Variants in AMN1 observed in about 807,000 individuals in gnomAD.
AMN1 encodes the protein protein AMN1 homolog.
AMN1 carries 20 observed loss-of-function variants against 33.0 expected under a neutral mutation model. That is an observed-to-expected ratio of 0.61 (90% CI 0.43 to 0.88). AMN1 has a LOEUF of 0.88. AMN1 is among the 40% of genes least tolerant of loss of function. AMN1 has a pLI of 0.00. For synonymous variants in AMN1, 114 were observed against 111.9 expected (o/e 1.02, Z -0.12); for missense variants, 246 against 307.4 (o/e 0.80, Z 1.49).
At chr12:31,728,256 A>G (rs1200566354) in intron 1 of AMN1, among the ~76,000 whole-genome samples, 4 of 152,200 alleles carry the variant, frequency 2.6e-5, no homozygotes, top group Admixed American at 2.6e-4. Context: ...GAGAGACGCA[A>G]TTGCCCTTGT....
At chr12:31,675,519 CA>C (rs1261046000) in intron 6 of AMN1, among the ~76,000 whole-genome samples, 2 of 148,538 alleles carry the variant, frequency 1.3e-5, no homozygotes, top group Admixed American at 1.3e-4. Context: ...TTTTTTGAGA[CA>C]GAGTCTCACC....
At chr12:31,675,404 A>G (rs1419344444) in intron 6 of AMN1, among the ~76,000 whole-genome samples, 4 of 151,804 alleles carry the variant, frequency 2.6e-5, no homozygotes, top group Non-Finnish European at 4.4e-5. Context: ...TGAGCAACAG[A>G]GCAAGACCCT....
At position 31,683,424 on chromosome 12, in the gene AMN1, T is replaced by C. The variant is rs1372083480; in HGVS notation, c.703+5583A>G. Among the ~76,000 whole-genome samples, 1 of 152,234 alleles carries C rather than the reference T, an allele frequency of 6.6e-6. No individual in the cohort carries two copies. Among genetic ancestry groups the C allele is most frequent in the Non-Finnish European group, 1.5e-5 (1 of 68,038 alleles). Reference sequence around the variant, plus strand: ...TACTTTTCTCATGGAACACCATTTTTACTTTTTAAAAGAATGATTGATATG... The same window carrying C: ...TACTTTTCTCATGGAACACCATTTTCACTTTTTAAAAGAATGATTGATATG... On this transcript the variant is annotated intron_variant, in intron 6 of 6. Transcript: ENST00000281471. The surrounding 1 kb of genome is among the most constrained non-coding windows in gnomAD (Gnocchi z 4.1).
chr12:31,685,116 C>G (rs1346285964), intron 6 of AMN1, among the ~76,000 whole-genome samples: 1 of 151,322 alleles, frequency 6.6e-6, no homozygotes, highest in Non-Finnish European at 1.5e-5. Flanking sequence ...GTAACCTCTG[C>G]CTTCCAGGTT....
intron 1 of AMN1, among the ~76,000 whole-genome samples, chr12:31,716,400 G>C (rs905662450): frequency 1.6e-4 from 24 of 151,990 alleles, no homozygotes; most frequent in African/African-American, 5.8e-4. Flanking sequence ...TGGCTCATAG[G>C]GTAGGCATAT....
intron 2 of AMN1, among the ~76,000 whole-genome samples, chr12:31,707,784 T>C (rs1489198146): frequency 6.6e-6 from 1 of 152,154 alleles, no homozygotes; most frequent in Non-Finnish European, 1.5e-5. Flanking sequence ...GAGACAATGG[T>C]AGAAGATGTT....
At position 31,709,513 on chromosome 12, in the gene AMN1, CT is replaced by C. The variant is rs1309303523; in HGVS notation, c.39-89del. ...TAATGCTATTTGTTAGCACTTAGCC[CT>C]TTCATAAAAGTGTGTACATTTTGGC... On this transcript the variant is annotated intron_variant, in intron 1 of 6. Coordinates refer to ENST00000281471, the MANE Select transcript of AMN1 (RefSeq NM_001113402.2). 2.6e-5 allele frequency: 38 copies of C among 1,469,332 alleles called. No homozygotes were observed. The East Asian group carries it at 7.2e-4, about 28-fold the overall frequency. 91.0% of individuals were successfully genotyped at this position (1,469,332 alleles called of 1,614,324 possible).
chr12:31,692,204 T>G (rs755726221), intron 5 of AMN1, among the ~76,000 whole-genome samples: 11 of 151,008 alleles, frequency 7.3e-5, no homozygotes, highest in Non-Finnish European at 1.5e-4. Flanking sequence ...AAAGAACAAA[T>G]CCAGCACTTT....
intron 6 of AMN1, among the ~76,000 whole-genome samples, chr12:31,688,246 G>A (rs371863421): frequency 3.9e-5 from 6 of 152,266 alleles, no homozygotes; most frequent in African/African-American, 9.6e-5. Flanking sequence ...GAGCCACCAC[G>A]CCCGGCTATT....
rs746550284 is a variant in AMN1, at chr12:31,697,792, G to A, written c.482C>T (p.Ala161Val). The A allele has an allele frequency of 6.2e-7, 1 of 1,613,974 alleles. No individual in the cohort carries two copies. The highest frequency in any genetic ancestry group is 1.1e-5 in the South Asian group (1 of 91,084). ...CAAAAATGGGCAGTTTTTTCCTAAT[G>A]CATGTAAGGACACATCAGTAATACT... ...CLSITDVSLH[A>V]LGKNCPFLQC... Residue 161 changes from alanine (A) to valine (V), a missense_variant, in exon 4 of 7, where the codon GCA becomes GTA. By Grantham distance (64) the Ala-to-Val change is moderately conservative (BLOSUM62 0). Transcript: ENST00000281471.
chr12:31,680,077 C>T (rs1200937739), intron 6 of AMN1, among the ~76,000 whole-genome samples: 12 of 145,100 alleles, frequency 8.3e-5, no homozygotes, highest in Admixed American at 1.4e-4. Flanking sequence ...GAACCAAGAT[C>T]GCACCACTAC....
In AMN1 at chr12:31,709,558, C is replaced by T. The variant is rs528318091; in HGVS notation, c.39-133G>A. 64 of 1,103,660 alleles carry T rather than the reference C, an allele frequency of 5.8e-5. No homozygotes were observed. The African/African-American group carries it at 1.0e-3, about 17-fold the overall frequency. The allele number at this position is 1,103,660 out of a possible 1,614,324, so 68.4% of individuals were successfully genotyped here. ...TTTTGGCTGGGTGTGGTGGCTCACGCCTGTAATCCCAACACTTTGGGAAGC... is the reference window on the plus strand; with the variant it reads ...TTTTGGCTGGGTGTGGTGGCTCACGTCTGTAATCCCAACACTTTGGGAAGC... On this transcript the variant is annotated intron_variant, in intron 1 of 6. Transcript: ENST00000281471.
Position 31,672,394 on chromosome 12 carries a change from T to C in AMN1, c.704-17A>G. 1 of 1,519,138 alleles carries C rather than the reference T, an allele frequency of 6.6e-7. No individual in the cohort carries two copies. The highest frequency in any genetic ancestry group is 9.0e-7 in the Non-Finnish European group (1 of 1,114,528). 94.1% of individuals were successfully genotyped at this position (1,519,138 alleles called of 1,614,324 possible). On this transcript the variant is annotated splice_polypyrimidine_tract_variant and intron_variant, in intron 6 of 6. Coordinates refer to ENST00000281471, the MANE Select transcript of AMN1 (RefSeq NM_001113402.2). ...GGGAATGATCTATAAAAGAAAACAA[T>C]GACAATATATTAATTGACAATAAAA...
At chr12:31,704,188 CTAGCAGGAGA>C (rs1939124388) in intron 2 of AMN1, among the ~76,000 whole-genome samples, 1 of 152,170 alleles carries the variant, frequency 6.6e-6, no homozygotes, top group African/African-American at 2.4e-5. Flanking sequence ...TACACTCTCA[CTAGCAGGAGA>C]TAAAAGTGAC....
chr12:31,673,913 G>A (rs1002958552), intron 6 of AMN1, among the ~76,000 whole-genome samples: 1 of 152,104 alleles, frequency 6.6e-6, no homozygotes, highest in African/African-American at 2.4e-5. Flanking sequence ...CAACAAATTT[G>A]TTATTGTACA....
At position 31,683,815 on chromosome 12, in the gene AMN1, T is replaced by C. The variant is rs912969792; in HGVS notation, c.703+5192A>G. ...AAACGGACTAATACAATGACTACAG[T>C]GTAAGGTTATTCTTATTTGAGTACT... On this transcript the variant is annotated intron_variant, in intron 6 of 6. Coordinates refer to ENST00000281471, the MANE Select transcript of AMN1 (RefSeq NM_001113402.2). This position sits in a 1 kb window ranked among gnomAD's most constrained non-coding sequence, Gnocchi z 4.1. Among the ~76,000 whole-genome samples, 1 of 152,130 alleles carries C rather than the reference T, an allele frequency of 6.6e-6. No individual in the cohort carries two copies. The highest frequency in any genetic ancestry group is 2.4e-5 in the African/African-American group (1 of 41,422).
intron 1 of AMN1, among the ~76,000 whole-genome samples, chr12:31,710,212 T>C (rs1230309288): frequency 2.0e-5 from 3 of 152,060 alleles, no homozygotes; most frequent in Non-Finnish European, 4.4e-5. Flanking sequence ...AGTGCCAGGG[T>C]TGTATAGGCA....
intron 2 of AMN1, chr12:31,709,079 G>A (rs1276295196): frequency 3.3e-6 from 2 of 611,250 alleles, no homozygotes; most frequent in East Asian, 3.4e-5. Flanking sequence ...TCAGGAGGCT[G>A]AAGAGGGATC....
At chr12:31,688,983 A>C in intron 6 of AMN1, 24 bp downstream of exon 6, 2 of 1,512,260 alleles carry the variant, frequency 1.3e-6, no homozygotes, top group Non-Finnish European at 1.8e-6. Flanking sequence ...CAGAATTTGA[A>C]CCCAAGCAAT....
Sources: gnomAD v4.1 joint callset for allele counts (sites outside exome capture counted in the v4.1 genomes callset) on GRCh38, gnomAD v4.1.1 for gene constraint, Gnocchi (gnomAD v3.1) non-coding constraint, MANE v1.5 for transcripts, NCBI Gene and HGNC (gene_info 2026-07-23, HGNC 2026-07-21) for gene names.